The following SMAD2 variants were observed in gnomAD, a reference collection of about 807,000 sequenced individuals.
SMAD2 encodes the protein MAD homolog 2.
SMAD2 carries 8 observed loss-of-function variants against 64.4 expected under a neutral mutation model. The observed-to-expected ratio is 0.12, with a 90% CI of 0.07 to 0.22. SMAD2 has a LOEUF of 0.22. SMAD2 is among the 10% of genes least tolerant of loss of function. The pLI, the probability that SMAD2 is intolerant of heterozygous loss-of-function variation, is 1.00. For missense variants in SMAD2, 289 were observed against 561.2 expected (o/e 0.51, Z 4.90); for synonymous variants, 203 against 195.8 (o/e 1.04, Z -0.31).
At chr18:47,848,726 A>G (rs1328519078) in intron 7 of SMAD2, 39 bp from the exon 8 acceptor site, 1 of 1,406,210 alleles carries the variant, frequency 7.1e-7, no homozygotes, top group Non-Finnish European at 9.9e-7. Flanking sequence ...AAAAGGAAGA[A>G]ATGCGTGAAC....
In SMAD2 at chr18:47,878,086, G is replaced by A. The variant is rs143267386; in HGVS notation, c.237-7522C>T. Among the ~76,000 whole-genome samples the A allele has an allele frequency of 2.0e-3, 299 of 152,074 alleles. 1 individual carries two copies. Among genetic ancestry groups the A allele is most frequent in the Middle Eastern group, 6.8e-3 (2 of 294 alleles). ...CCAAATGTGCATTCCGGTATGTCAGGGTTTCATTCTAAGTTTCAAATCAGA... is the reference window on the plus strand; with the variant it reads ...CCAAATGTGCATTCCGGTATGTCAGAGTTTCATTCTAAGTTTCAAATCAGA... On this transcript the variant is annotated intron_variant, in intron 2 of 10. Coordinates refer to ENST00000262160, the MANE Select transcript of SMAD2 (RefSeq NM_005901.6).
At position 47,896,760 on chromosome 18, in the gene SMAD2, C is replaced by A; in HGVS notation, c.-4G>T. 1 of 1,613,484 alleles carries A rather than the reference C, an allele frequency of 6.2e-7. No homozygotes were observed. Among genetic ancestry groups the A allele is most frequent in the South Asian group, 1.1e-5 (1 of 91,026 alleles). On this transcript the variant is annotated 5_prime_UTR_variant, in exon 2 of 11. Transcript: ENST00000262160. ...TGAATGGCAAGATGGACGACATGTT[C>A]TTACCAAAGGCAGCAAGCCACGCTA...
chr18:47,853,345 T>C lies in SMAD2; in HGVS notation c.731-2018A>G. The C allele has an allele frequency of 9.3e-6, 2 of 214,658 alleles. 1 individual carries two copies. Among genetic ancestry groups the C allele is most frequent in the Non-Finnish European group, 1.5e-5 (2 of 132,286 alleles). The allele number at this position is 214,658 out of a possible 1,614,324, so 13.3% of individuals were successfully genotyped here. On this transcript the variant is annotated intron_variant, in intron 6 of 10. Coordinates refer to ENST00000262160, the MANE Select transcript of SMAD2 (RefSeq NM_005901.6). ...GCCTAATGTGGGGACAGCTCATGAG[T>C]GTAAGACGTCTTGTGATGTAATTAT...
intron 5 of SMAD2, among the ~76,000 whole-genome samples, chr18:47,866,643 T>G (rs2031582012): frequency 6.6e-6 from 1 of 152,166 alleles, no homozygotes. Context: ...TAAAATACGT[T>G]ATCTTACTGT....
At position 47,812,517 on chromosome 18, in the gene SMAD2, G is replaced by A. The variant is rs1415350740; in HGVS notation, c.*29310C>T. The A allele has an allele frequency of 6.6e-6, 1 of 152,192 alleles. No individual in the cohort carries two copies. Among genetic ancestry groups the A allele is most frequent in the Non-Finnish European group, 1.5e-5 (1 of 68,072 alleles). 9.4% of individuals were successfully genotyped at this position (152,192 alleles called of 1,614,324 possible). ...CAAGGTGGCAGAAGAGAGTGTGAGT[G>A]TGTGAAAGTACAGGAAAAACTACCA... On this transcript the variant is annotated 3_prime_UTR_variant, in exon 11 of 11. Transcript: ENST00000262160.
chr18:47,860,616 C>G (rs1354294833), intron 6 of SMAD2, among the ~76,000 whole-genome samples: 1 of 151,962 alleles, frequency 6.6e-6, no homozygotes, highest in Non-Finnish European at 1.5e-5. Flanking sequence ...TAATGCCAAC[C>G]TTAAAGAAAC....
chr18:47,896,859 T>C (rs1410543592), intron 1 of SMAD2, 50 bp from the exon 2 acceptor site: 10 of 1,490,546 alleles, frequency 6.7e-6, no homozygotes, highest in African/African-American at 1.4e-5. Flanking sequence ...GAACATCAAG[T>C]AATAATTTCA....
At chr18:47,906,173 TC>T (rs1291775150) in intron 1 of SMAD2, among the ~76,000 whole-genome samples, 1 of 150,764 alleles carries the variant, frequency 6.6e-6, no homozygotes, top group Non-Finnish European at 1.5e-5. Flanking sequence ...GCATCACAAA[TC>T]CGAAAACTGA....
chr18:47,870,965 AG>A (rs2031897345), intron 2 of SMAD2, among the ~76,000 whole-genome samples: 1 of 152,216 alleles, frequency 6.6e-6, no homozygotes, highest in African/African-American at 2.4e-5. Context: ...TTTTTAATAT[AG>A]AAAAAAATCC....
chr18:47,902,683 A>T (rs2033733340), intron 1 of SMAD2, among the ~76,000 whole-genome samples: 1 of 152,214 alleles, frequency 6.6e-6, no homozygotes, highest in Admixed American at 6.5e-5. Context: ...AAGTTACAAC[A>T]GAGCATCACT....
At chr18:47,869,179 C>T (rs2144376826) in intron 4 of SMAD2, 64 bp downstream of exon 4, 1 of 1,217,334 alleles carries the variant, frequency 8.2e-7, no homozygotes, top group Non-Finnish European at 1.2e-6. Flanking sequence ...CACAAGAGTA[C>T]TTAAATATAC....
At chr18:47,897,375 AT>A (rs1386128473) in intron 1 of SMAD2, among the ~76,000 whole-genome samples, 1 of 38,184 alleles carries the variant, frequency 2.6e-5, no homozygotes, top group Non-Finnish European at 1.4e-4. Context: ...CTTGAGAGAA[AT>A]TTTTTAACAC....
chr18:47,916,688 C>G (rs1023110273), intron 1 of SMAD2, among the ~76,000 whole-genome samples: 1 of 152,180 alleles, frequency 6.6e-6, no homozygotes, highest in Non-Finnish European at 1.5e-5. Context: ...CATGCCCCGC[C>G]TGGTATAGGT....
rs929667954 is a variant in SMAD2 at position 47,910,388 on chromosome 18, A to G, written c.-53-13579T>C. On this transcript the variant is annotated intron_variant, in intron 1 of 10. Transcript: ENST00000262160. ...ATAGGACAATCTAGCTATATATAAT[A>G]TAGGGTTCTAATTATTGAAGGCTGC... Among the ~76,000 whole-genome samples the G allele has an allele frequency of 3.3e-5, 5 of 152,030 alleles. No homozygotes were observed. In the South Asian group the frequency reaches 6.2e-4, roughly 19 times the overall value.
intron 2 of SMAD2, among the ~76,000 whole-genome samples, chr18:47,878,729 T>A (rs1318210130): frequency 6.6e-6 from 1 of 152,224 alleles, no homozygotes; most frequent in Non-Finnish European, 1.5e-5. Context: ...ACTTCTCAGA[T>A]ACTTCCATGA....
intron 1 of SMAD2, among the ~76,000 whole-genome samples, chr18:47,897,368 G>A (rs1211561335): frequency 1.1e-5 from 1 of 90,174 alleles, no homozygotes; most frequent in East Asian, 4.8e-4. Context: ...ACCTGCTCTT[G>A]AGAGAAATTT....
rs912809368 is a variant in SMAD2 at position 47,812,636 on chromosome 18, T to A, written c.*29191A>T. 1.3e-5 allele frequency: 2 copies of A among 152,166 alleles called. No homozygotes were observed. The highest frequency in any genetic ancestry group is 4.8e-5 in the African/African-American group (2 of 41,448). 9.4% of individuals were successfully genotyped at this position (152,166 alleles called of 1,614,324 possible). On this transcript the variant is annotated 3_prime_UTR_variant, in exon 11 of 11. Coordinates refer to ENST00000262160, the MANE Select transcript of SMAD2 (RefSeq NM_005901.6). The stretch of plus-strand genomic sequence containing the variant: ...ATACAATTACTTCCTTCCCTCAACA[T>A]GTAGGGATTACAATTCAAGATGAGA...
At chr18:47,865,816 T>C (rs2031512654) in intron 5 of SMAD2, among the ~76,000 whole-genome samples, 1 of 152,208 alleles carries the variant, frequency 6.6e-6, no homozygotes, top group African/African-American at 2.4e-5. Context: ...TCCAACATGT[T>C]GTCTGAATAA....
chr18:47,854,325 A>G (rs1163761627), intron 6 of SMAD2, among the ~76,000 whole-genome samples: 9 of 152,214 alleles, frequency 5.9e-5, no homozygotes, highest in African/African-American at 1.7e-4. Flanking sequence ...CATTCGTCAA[A>G]CCTTTGACAA....
Sources: allele counts gnomAD v4.1 joint callset (sites outside exome capture counted in the v4.1 genomes callset), GRCh38; gene constraint gnomAD v4.1.1; transcripts MANE v1.5; gene names NCBI Gene and HGNC (gene_info 2026-07-23, HGNC 2026-07-21).